Variants in CACNA1D observed in about 807,000 individuals in gnomAD.
CACNA1D encodes calcium voltage-gated channel subunit alpha1 D, also known as voltage-dependent L-type calcium channel subunit alpha-1D.
In CACNA1D, 55 loss-of-function variants were observed where a neutral mutation model predicts 257.1. The ratio of observed to expected loss-of-function variants is 0.21; its 90% CI spans 0.17 to 0.27. CACNA1D has a LOEUF of 0.27. CACNA1D is among the 10% of genes least tolerant of loss of function. CACNA1D has a pLI of 1.00. For missense variants in CACNA1D, 1,876 were observed against 2,784.0 expected (o/e 0.67, Z 7.34); for synonymous variants, 980 against 1,014.9 (o/e 0.97, Z 0.65).
At chr3:53,777,143 T>C (rs1249480081) in intron 37 of CACNA1D, among the ~76,000 whole-genome samples, 187 bp downstream of exon 37, 3 of 152,114 alleles carry the variant, frequency 2.0e-5, no homozygotes, top group African/African-American at 4.8e-5. Context: ...TCAGGAACCA[T>C]CAGAAGAGGA....
intron 46 of CACNA1D, 54 bp downstream of exon 46, chr3:53,808,824 C>A: frequency 1.3e-6 from 2 of 1,585,304 alleles, no homozygotes; most frequent in Admixed American, 1.7e-5. Context: ...CACATAGGAC[C>A]CCCATCAGGT....
At chr3:53,794,461 G>A (rs918006002) in intron 40 of CACNA1D, among the ~76,000 whole-genome samples, 1 of 152,168 alleles carries the variant, frequency 6.6e-6, no homozygotes. Flanking sequence ...CTGGCTCAGG[G>A]AAGCCATAGG....
Position 53,495,373 on chromosome 3 carries a change from A to G in CACNA1D, c.67+140A>G. The G allele has an allele frequency of 2.1e-6, 2 of 954,222 alleles. No homozygotes were observed. The highest frequency in any genetic ancestry group is 2.6e-5 in the South Asian group (2 of 75,816). The allele number at this position is 954,222 out of a possible 1,614,324, so 59.1% of individuals were successfully genotyped here. A position where few individuals can be genotyped will look rare whatever the true frequency, so the allele number is the denominator to read the frequency against. On this transcript the variant is annotated intron_variant, in intron 1 of 47. Coordinates refer to ENST00000350061, the MANE Select transcript of CACNA1D (RefSeq NM_001128840.3). This position sits in a 1 kb window ranked among gnomAD's most constrained non-coding sequence, Gnocchi z 5.1. ...CCAGCTCGGTGTCGTCTACACAGAG[A>G]GGGGACATGCGTGACAGCCACTCCG...
chr3:53,640,646 T>C (rs1051468137), intron 3 of CACNA1D, among the ~76,000 whole-genome samples: 1 of 152,228 alleles, frequency 6.6e-6, no homozygotes, highest in African/African-American at 2.4e-5. Context: ...CCTTCTCTGC[T>C]CTTGTACTTG....
At chr3:53,643,309 A>T (rs761321005) in intron 3 of CACNA1D, among the ~76,000 whole-genome samples, 10 of 152,040 alleles carry the variant, frequency 6.6e-5, no homozygotes, top group African/African-American at 2.4e-4. Flanking sequence ...CTCTGAGCCG[A>T]CGCCTGCCTG....
At chr3:53,787,990 A>C (rs2095464758) in intron 40 of CACNA1D, among the ~76,000 whole-genome samples, 1 of 152,214 alleles carries the variant, frequency 6.6e-6, no homozygotes, top group African/African-American at 2.4e-5. Context: ...AGATATTGAT[A>C]AGGTTCAACA....
chr3:53,771,284 T>C (rs1415095213), intron 32 of CACNA1D, among the ~76,000 whole-genome samples: 1 of 152,244 alleles, frequency 6.6e-6, no homozygotes, highest in Non-Finnish European at 1.5e-5. Context: ...AGAAAGTGAA[T>C]CCTGCATCTT....
intron 4 of CACNA1D, among the ~76,000 whole-genome samples, chr3:53,653,850 G>C (rs1234309021): frequency 1.4e-5 from 2 of 138,364 alleles, no homozygotes; most frequent in African/African-American, 5.5e-5. Context: ...AGCAAAGCCT[G>C]AGCAAAATAA....
chr3:53,658,587 G>A lies in CACNA1D; in HGVS notation c.624-1546G>A, dbSNP rs576583988. On this transcript the variant is annotated intron_variant, in intron 4 of 47. Transcript: ENST00000350061. ...CATAAATTACTTTGCTAACCCTTTG[G>A]GGTGAAAATTCCTGTGGCTTGCACA... is the stretch of plus-strand genomic sequence containing the variant. Among the ~76,000 whole-genome samples, 3 of 152,310 alleles carry A rather than the reference G, an allele frequency of 2.0e-5. No individual in the cohort carries two copies. The East Asian group carries it at 5.8e-4, about 29-fold the overall frequency.
At chr3:53,797,658 G>T (rs1337331923) in intron 40 of CACNA1D, 1 of 152,220 alleles carries the variant, frequency 6.6e-6, no homozygotes, top group Non-Finnish European at 1.5e-5. Context: ...CACTGAAGAT[G>T]TGCTGGAGAC....
chr3:53,693,545 CAA>C (rs1202833188), intron 8 of CACNA1D, among the ~76,000 whole-genome samples: 1 of 147,724 alleles, frequency 6.8e-6, no homozygotes, highest in Non-Finnish European at 1.5e-5. Context: ...TATATTTAAA[CAA>C]AAAAGTTCTT....
At chr3:53,549,001 A>C (rs1406949336) in intron 3 of CACNA1D, among the ~76,000 whole-genome samples, 4 of 152,246 alleles carry the variant, frequency 2.6e-5, no homozygotes, top group Admixed American at 2.0e-4. Context: ...GGTGTTGAGC[A>C]GTAACAGAAG....
Position 53,495,538 on chromosome 3 carries a change from T to C in CACNA1D, c.67+305T>C, listed in dbSNP as rs2107043703. ...GGTTCAGTGTCCTCGGGCTCAACTT[T>C]CCTTCAACGCCCCCGAGCGATGGCA... is the stretch of plus-strand genomic sequence containing the variant. On this transcript the variant is annotated intron_variant, in intron 1 of 47. Coordinates refer to ENST00000350061, the MANE Select transcript of CACNA1D (RefSeq NM_001128840.3). The surrounding 1 kb of genome is among the most constrained non-coding windows in gnomAD (Gnocchi z 5.1). Among the ~76,000 whole-genome samples the C allele has an allele frequency of 6.6e-6, 1 of 152,166 alleles. No individual in the cohort carries two copies. Among genetic ancestry groups the C allele is most frequent in the African/African-American group, 2.4e-5 (1 of 41,540 alleles).
At chr3:53,599,479 A>G (rs2093414452) in intron 3 of CACNA1D, among the ~76,000 whole-genome samples, 2 of 152,166 alleles carry the variant, frequency 1.3e-5, no homozygotes, top group African/African-American at 4.8e-5. Context: ...AAGCTTAGAC[A>G]TCTTGACATT....
In CACNA1D at chr3:53,780,128, G is replaced by A; in HGVS notation, c.4690G>A (p.Gly1564Arg). ...AACGGCTCTTAAGATCAAGACCGAA[G>A]GTGAGCATTCCCTGCCAGCAAGACA... ...VRTALKIKTEGNLEQANEELR... is the reference protein window; with the variant it reads ...VRTALKIKTERNLEQANEELR... The change falls in exon 38 of 48, where the codon GGG (glycine) becomes AGG (arginine). Residue 1564 changes from glycine to arginine, a missense_variant and splice_region_variant. Coordinates refer to ENST00000350061, the MANE Select transcript of CACNA1D (RefSeq NM_001128840.3). 1 of 1,607,398 alleles carries A rather than the reference G, an allele frequency of 6.2e-7. No individual in the cohort carries two copies. Among genetic ancestry groups the A allele is most frequent in the Admixed American group, 1.7e-5 (1 of 60,006 alleles).
At chr3:53,696,207 A>G (rs1038676893) in intron 8 of CACNA1D, among the ~76,000 whole-genome samples, 2 of 152,254 alleles carry the variant, frequency 1.3e-5, no homozygotes, top group African/African-American at 2.4e-5. Context: ...GCCTCAAGCA[A>G]TCCTCCCACC....
chr3:53,579,475 TTA>T (rs2093094116), intron 3 of CACNA1D, among the ~76,000 whole-genome samples: 2 of 152,196 alleles, frequency 1.3e-5, no homozygotes, highest in African/African-American at 4.8e-5. Flanking sequence ...CCAAAAAACC[TTA>T]TCATTTAGGA....
intron 3 of CACNA1D, among the ~76,000 whole-genome samples, chr3:53,614,513 G>C (rs143366116): frequency 6.6e-6 from 1 of 152,334 alleles, no homozygotes; most frequent in Non-Finnish European, 1.5e-5. Context: ...CCCTGGAGAA[G>C]GCAGGTACAC....
At chr3:53,632,514 A>G (rs957422231) in intron 3 of CACNA1D, among the ~76,000 whole-genome samples, 3 of 152,252 alleles carry the variant, frequency 2.0e-5, no homozygotes, top group Non-Finnish European at 2.9e-5. Flanking sequence ...ATTTCCTTCA[A>G]GAACTTTTGC....
Sources: allele counts gnomAD v4.1 joint callset (sites outside exome capture counted in the v4.1 genomes callset), GRCh38; gene constraint gnomAD v4.1.1; non-coding constraint Gnocchi (gnomAD v3.1); transcripts MANE v1.5; gene names NCBI Gene and HGNC (gene_info 2026-07-23, HGNC 2026-07-21).